CCDC141: variants seen among roughly 807,000 people sequenced by gnomAD.
The protein encoded by CCDC141 is coiled-coil domain-containing protein 141.
CCDC141 carries 168 observed loss-of-function variants against 181.0 expected under a neutral mutation model. That is an observed-to-expected ratio of 0.93 (90% confidence interval 0.82 to 1.05). The LOEUF is 1.05. Ranked by LOEUF, CCDC141 falls within the 50% of genes least tolerant of loss-of-function variation. CCDC141 has a pLI of 0.00. For missense variants in CCDC141, 1,902 were observed against 1,788.5 expected, an observed-to-expected ratio of 1.06 and a Z score of -1.14; for synonymous variants, 666 against 642.3, an observed-to-expected ratio of 1.04 and a Z score of -0.56.
At chr2:179,015,095 T>TAATCATATATATATATATAC (rs1449268223) in intron 2 of CCDC141, among the ~76,000 whole-genome samples, 3 of 34,776 alleles carry the variant, frequency 8.6e-5, no homozygotes, top group Admixed American at 6.8e-4. Context: ...TATATATATA[T>TAATCATATATATATATATAC]ATATATATAA....
At chr2:178,936,579 G>A (rs1474953727) in intron 6 of CCDC141, among the ~76,000 whole-genome samples, 3 of 152,032 alleles carry the variant, frequency 2.0e-5, no homozygotes, top group African/African-American at 7.2e-5. Context: ...GGCTATTTGG[G>A]CTCTTTTTGA....
Position 178,834,320 on chromosome 2 carries a change from C to G in CCDC141, c.4446G>C (p.Arg1482=). The part of the protein sequence containing the change: ...CKADAGLYVA[R]AQNSSGALSS... ...AGAGAGCGCCGCTAGAGTTTTGGGC[C>G]CGAGCCACATAGAGGCCTGCGTCTG... Residue 1482 remains arginine (R), a synonymous_variant, in exon 24 of 24, where the codon CGG becomes CGC. Transcript: ENST00000443758. 1 of 1,535,916 alleles carries G rather than the reference C, an allele frequency of 6.5e-7. No homozygotes were observed. Among genetic ancestry groups the G allele is most frequent in the Non-Finnish European group, 8.7e-7 (1 of 1,146,848 alleles).
intron 2 of CCDC141, among the ~76,000 whole-genome samples, chr2:178,990,902 G>C (rs566174895): frequency 6.6e-6 from 1 of 152,180 alleles, no homozygotes; most frequent in Admixed American, 6.5e-5. Context: ...ACATGTGAAA[G>C]GTGATCATAT....
At chr2:178,982,730 TC>T (rs1691486952) in intron 2 of CCDC141, among the ~76,000 whole-genome samples, 1 of 152,038 alleles carries the variant, frequency 6.6e-6, no homozygotes, top group African/African-American at 2.4e-5. Flanking sequence ...ATCGGGTCAC[TC>T]CCACCCGAAT....
At chr2:178,822,043 G>A in the CCDC141 span, among the ~76,000 whole-genome samples, 1 of 152,140 alleles carries the variant, frequency 6.6e-6, no homozygotes, top group African/African-American at 2.4e-5. Context: ...TTAAGAAAAT[G>A]TGGCACATAT....
At chr2:179,015,615 G>GTAT (rs2042491752) in intron 2 of CCDC141, among the ~76,000 whole-genome samples, 1 of 22,684 alleles carries the variant, frequency 4.4e-5, no homozygotes, top group African/African-American at 1.6e-4. Context: ...ATCTCATATA[G>GTAT]CTCATATATA....
rs540060413 is a variant in CCDC141, at chr2:178,838,456, C to T, written c.3475-712G>A. ...GCAACCACCATTCTATTCTCTTGCT[C>T]TATGCATTTGACCCCTCTATGTACC... On this transcript the variant is annotated intron_variant, in intron 22 of 23. Coordinates refer to ENST00000443758, the MANE Select transcript of CCDC141 (RefSeq NM_173648.4). Among the ~76,000 whole-genome samples, 8 of 152,350 alleles carry T rather than the reference C, an allele frequency of 5.3e-5. No homozygotes were observed. In the South Asian group the frequency reaches 1.5e-3, roughly 28 times the overall value.
At chr2:179,004,976 C>T (rs1221290030) in intron 2 of CCDC141, among the ~76,000 whole-genome samples, 2 of 152,180 alleles carry the variant, frequency 1.3e-5, no homozygotes, top group African/African-American at 4.8e-5. Context: ...AGGTTATCCA[C>T]CTGCCTCGGC....
At chr2:178,977,986 T>A (rs940394627) in intron 3 of CCDC141, among the ~76,000 whole-genome samples, 1 of 152,204 alleles carries the variant, frequency 6.6e-6, no homozygotes, top group Non-Finnish European at 1.5e-5. Flanking sequence ...GAAAATCAAC[T>A]ATACGCCTTA....
intron 6 of CCDC141, among the ~76,000 whole-genome samples, chr2:178,929,483 C>T (rs562526493): frequency 7.9e-5 from 12 of 152,136 alleles, no homozygotes; most frequent in Admixed American, 3.3e-4. Context: ...ACCCACGAGA[C>T]GTATAAGTAG....
At chr2:178,902,996 A>T (rs563353115) in intron 8 of CCDC141, among the ~76,000 whole-genome samples, 1 of 149,438 alleles carries the variant, frequency 6.7e-6, no homozygotes, top group East Asian at 2.0e-4. Context: ...GCCAAAAAAC[A>T]CATGAAAAAG....
intron 8 of CCDC141, among the ~76,000 whole-genome samples, chr2:178,899,159 T>C (rs1027032031): frequency 2.0e-5 from 3 of 152,220 alleles, no homozygotes; most frequent in Non-Finnish European, 4.4e-5. Context: ...GTGTTTCATT[T>C]GCCTATAATA....
intron 6 of CCDC141, among the ~76,000 whole-genome samples, chr2:178,927,801 C>T (rs1252035285): frequency 4.0e-5 from 6 of 151,852 alleles, no homozygotes; most frequent in Non-Finnish European, 7.4e-5. Context: ...ATCCATTTCT[C>T]CCAGAAATGA....
chr2:178,957,494 T>TG (rs1272271771), intron 5 of CCDC141, among the ~76,000 whole-genome samples: 1 of 152,226 alleles, frequency 6.6e-6, no homozygotes, highest in Non-Finnish European at 1.5e-5. Context: ...ACAGCTGCTT[T>TG]GAAAAATAGT....
chr2:178,913,934 C>T (rs950440344), intron 7 of CCDC141, among the ~76,000 whole-genome samples: 1 of 152,184 alleles, frequency 6.6e-6, no homozygotes, highest in African/African-American at 2.4e-5. Flanking sequence ...GGTTCAATTG[C>T]AGCTGTCCTG....
Position 178,837,266 on chromosome 2 carries a change from T to C in CCDC141, c.3953A>G (p.Glu1318Gly). 1.9e-6 allele frequency: 3 copies of C among 1,614,134 alleles called. No homozygotes were observed. Among genetic ancestry groups the C allele is most frequent in the Non-Finnish European group, 2.5e-6 (3 of 1,180,000 alleles). ...TTCACTCATCATGCTCTCTGGATGT[T>C]CAGCACTGATTCTGTGTAAGGCAGT... is the stretch of plus-strand genomic sequence containing the variant. Reference protein sequence around the residue: ...KSTALHRISAEHPESMMSEVH... With the variant: ...KSTALHRISAGHPESMMSEVH... The change falls in exon 23 of 24, where the codon GAA becomes GGA. Residue 1318 changes from glutamate (E) to glycine (G), a missense_variant. Transcript: ENST00000443758.
the CCDC141 span, among the ~76,000 whole-genome samples, chr2:178,820,424 A>C: frequency 6.6e-6 from 1 of 152,130 alleles, no homozygotes; most frequent in African/African-American, 2.4e-5. Context: ...TACAAATCGG[A>C]TTCTCCTTTT....
intron 2 of CCDC141, among the ~76,000 whole-genome samples, chr2:179,008,814 T>C (rs2042183393): frequency 6.6e-6 from 1 of 152,168 alleles, no homozygotes; most frequent in South Asian, 2.1e-4. Context: ...TTCACTGTTG[T>C]TCTTTTAACT....
Position 178,831,552 on chromosome 2 carries a change from G to C in CCDC141, c.*2621C>G, listed in dbSNP as rs1308913350. The stretch of plus-strand genomic sequence containing the variant: ...CTAGAAGTAAATGGTTATAAATTAT[G>C]TATATACCTTAAAATAGAAACAACA... On this transcript the variant is annotated 3_prime_UTR_variant, in exon 24 of 24. Transcript: ENST00000443758. 6.6e-6 allele frequency: 1 copy of C among 152,094 alleles called. No individual in the cohort carries two copies. The highest frequency in any genetic ancestry group is 2.1e-4 in the South Asian group (1 of 4,836). 9.4% of individuals were successfully genotyped at this position (152,094 alleles called of 1,614,324 possible).
Sources: allele counts gnomAD v4.1 joint callset (sites outside exome capture counted in the v4.1 genomes callset), GRCh38; gene constraint gnomAD v4.1.1; transcripts MANE v1.5; gene names NCBI Gene and HGNC (gene_info 2026-07-23, HGNC 2026-07-21).